PIBF1: variants seen among roughly 807,000 people sequenced by gnomAD.
PIBF1 encodes the protein progesterone-induced-blocking factor 1.
PIBF1 carries 90 observed loss-of-function variants against 112.5 expected under a neutral mutation model. That is an observed-to-expected ratio of 0.80 (90% confidence interval 0.67 to 0.95). The LOEUF (loss-of-function observed/expected upper bound fraction) is 0.95, where lower values mean the gene tolerates loss of function less well. PIBF1 is among the 40% of genes least tolerant of loss of function. The pLI is 0.00. For synonymous variants in PIBF1, 301 were observed against 288.6 expected (o/e 1.04, Z -0.44); for missense variants, 915 against 852.3 (o/e 1.07, Z -0.92).
intron 15 of PIBF1, among the ~76,000 whole-genome samples, chr13:72,970,937 C>T (rs1224381530): frequency 6.6e-6 from 1 of 152,136 alleles, no homozygotes; most frequent in Non-Finnish European, 1.5e-5. Context: ...TTGTAATAAA[C>T]TCATGTCTTA....
At position 72,814,704 on chromosome 13, in the gene PIBF1, G is replaced by A. The variant is rs1169783009; in HGVS notation, c.673-7145G>A. Among the ~76,000 whole-genome samples the A allele has an allele frequency of 3.3e-5, 5 of 151,712 alleles. No homozygotes were observed. The East Asian group carries it at 7.7e-4, about 24-fold the overall frequency. On this transcript the variant is annotated intron_variant, in intron 5 of 17. Transcript: ENST00000326291. ...TAGACACATTTAAAGCTATGCCAAAGGAAAATCTGTAGCCGGAAATGCCTT... is the reference window on the plus strand; with the variant it reads ...TAGACACATTTAAAGCTATGCCAAAAGAAAATCTGTAGCCGGAAATGCCTT...
At chr13:72,981,163 T>G (rs2043147237) in intron 16 of PIBF1, among the ~76,000 whole-genome samples, 1 of 151,506 alleles carries the variant, frequency 6.6e-6, no homozygotes, top group South Asian at 2.1e-4. Context: ...GAGAATCACT[T>G]GAACCCAGGA....
At chr13:72,846,493 A>T (rs946735663) in intron 9 of PIBF1, among the ~76,000 whole-genome samples, 1 of 152,162 alleles carries the variant, frequency 6.6e-6, no homozygotes, top group Non-Finnish European at 1.5e-5. Flanking sequence ...CCTCTACTCA[A>T]ATAAAAAGGC....
intron 2 of PIBF1, among the ~76,000 whole-genome samples, chr13:72,785,283 G>C (rs2034539202): frequency 1.3e-5 from 2 of 152,142 alleles, no homozygotes; most frequent in Admixed American, 1.3e-4. Context: ...ATGGCCATCG[G>C]ACTGAATTTG....
At chr13:72,901,966 TATCA>T (rs993255158) in intron 11 of PIBF1, among the ~76,000 whole-genome samples, 4 of 142,048 alleles carry the variant, frequency 2.8e-5, no homozygotes, top group Non-Finnish European at 6.3e-5. Flanking sequence ...CCCAAATGCC[TATCA>T]ATCGAATGGA....
intron 9 of PIBF1, among the ~76,000 whole-genome samples, chr13:72,836,552 A>G (rs2037370033): frequency 6.6e-6 from 1 of 152,174 alleles, no homozygotes; most frequent in Non-Finnish European, 1.5e-5. Flanking sequence ...ATATATGTAG[A>G]ATTATCCTTT....
chr13:73,003,733 A>G (rs1322380807), intron 17 of PIBF1, among the ~76,000 whole-genome samples: 1 of 152,154 alleles, frequency 6.6e-6, no homozygotes, highest in African/African-American at 2.4e-5. Flanking sequence ...TTTTTGAGAC[A>G]CGGTCTTGCT....
intron 8 of PIBF1, among the ~76,000 whole-genome samples, chr13:72,833,585 A>G (rs2037218812): frequency 6.6e-6 from 1 of 152,196 alleles, no homozygotes; most frequent in South Asian, 2.1e-4. Flanking sequence ...GAGGCTGCAG[A>G]ACAGCAAAGA....
At chr13:72,907,237 A>G (rs2040731808) in intron 11 of PIBF1, among the ~76,000 whole-genome samples, 2 of 149,058 alleles carry the variant, frequency 1.3e-5, no homozygotes, top group South Asian at 4.2e-4. Flanking sequence ...GAAGGAAATG[A>G]TCTGAAATAA....
At chr13:72,978,670 C>T (rs182010607) in intron 16 of PIBF1, among the ~76,000 whole-genome samples, 7 of 152,000 alleles carry the variant, frequency 4.6e-5, no homozygotes. Context: ...CTTTTGATAC[C>T]TCAGAATAAC....
chr13:72,908,983 G>A (rs2040803595), intron 12 of PIBF1, among the ~76,000 whole-genome samples: 2 of 151,692 alleles, frequency 1.3e-5, no homozygotes, highest in African/African-American at 4.8e-5. Flanking sequence ...GAAGGCAGAG[G>A]TCGCGTTGAG....
chr13:72,798,682 T>C (rs184907905), intron 5 of PIBF1, among the ~76,000 whole-genome samples: 3 of 152,336 alleles, frequency 2.0e-5, no homozygotes, highest in East Asian at 1.9e-4. Context: ...TATCCTAGAA[T>C]ACTATCTTGT....
chr13:72,859,168 A>G (rs936322830), intron 10 of PIBF1, among the ~76,000 whole-genome samples: 6 of 152,162 alleles, frequency 3.9e-5, no homozygotes, highest in Admixed American at 2.6e-4. Flanking sequence ...CATGCTTGCA[A>G]TGGTTTTTAA....
chr13:72,987,865 T>TTTTTTTTA (rs1241395178), intron 16 of PIBF1, among the ~76,000 whole-genome samples: 9 of 99,818 alleles, frequency 9.0e-5, no homozygotes, highest in African/African-American at 3.0e-4. Flanking sequence ...TTTATTTTTT[T>TTTTTTTTA]TTTTTTTTTT....
chr13:73,010,820 T>C lies in PIBF1; in HGVS notation c.2224-5049T>C, dbSNP rs1242117528. Among the ~76,000 whole-genome samples the C allele has an allele frequency of 1.8e-5, 2 of 108,590 alleles. 1 individual carries two copies. Among genetic ancestry groups the C allele is most frequent in the Non-Finnish European group, 3.8e-5 (2 of 53,268 alleles). The allele number at this position is 108,590 out of a possible 152,430, so 71.2% of individuals were successfully genotyped here. On this transcript the variant is annotated intron_variant, in intron 17 of 17. Coordinates refer to ENST00000326291, the MANE Select transcript of PIBF1 (RefSeq NM_006346.4). ...AAATCATTAACTTTTCTTTTTTTTT[T>C]TTTTTTTTTTTTTTTTTTTTGAGAC... is the stretch of plus-strand genomic sequence containing the variant.
intron 14 of PIBF1, among the ~76,000 whole-genome samples, chr13:72,936,006 C>CT (rs954387223): frequency 1.5e-5 from 2 of 133,006 alleles, no homozygotes; most frequent in African/African-American, 5.3e-5. Context: ...TTAATGATGT[C>CT]TTTTTATTTA....
chr13:72,925,731 G>A (rs887701982), intron 13 of PIBF1, among the ~76,000 whole-genome samples: 8 of 151,416 alleles, frequency 5.3e-5, no homozygotes, highest in South Asian at 2.1e-4. Context: ...TAGGAGAGAC[G>A]GGGTTTCACC....
At chr13:72,883,202 A>C (rs980438400) in intron 10 of PIBF1, among the ~76,000 whole-genome samples, 11 of 152,186 alleles carry the variant, frequency 7.2e-5, no homozygotes, top group Admixed American at 2.0e-4. Flanking sequence ...ATGGAACTGG[A>C]GGTCATTATA....
chr13:72,895,611 G>T (rs1485536680), intron 11 of PIBF1, among the ~76,000 whole-genome samples: 4 of 151,936 alleles, frequency 2.6e-5, no homozygotes, highest in Non-Finnish European at 4.4e-5. Flanking sequence ...ATAGGTCTGT[G>T]TGTTGTTTTT....
Sources: gnomAD v4.1 joint callset for allele counts (sites outside exome capture counted in the v4.1 genomes callset) on GRCh38, gnomAD v4.1.1 for gene constraint, MANE v1.5 for transcripts, NCBI Gene and HGNC (gene_info 2026-07-23, HGNC 2026-07-21) for gene names.